Variants in RALGAPB observed in about 807,000 individuals in gnomAD.
RALGAPB encodes Ral GTPase activating protein non-catalytic subunit beta, also known as ral GTPase-activating protein subunit beta.
In RALGAPB, 25 loss-of-function variants were observed where a neutral mutation model predicts 161.1. The ratio of observed to expected loss-of-function variants is 0.16; its 90% CI spans 0.11 to 0.22. The LOEUF is 0.22. RALGAPB is among the 10% of genes least tolerant of loss of function. The pLI, the probability that RALGAPB is intolerant of heterozygous loss-of-function variation, is 1.00. For missense variants in RALGAPB, 1,391 were observed against 1,815.2 expected, an observed-to-expected ratio of 0.77 and a Z score of 4.25; for synonymous variants, 629 against 626.1, an observed-to-expected ratio of 1.00 and a Z score of -0.07.
rs2087365637 is a variant in RALGAPB, at chr20:38,551,287, G to C, written c.3162+64G>C. The C allele has an allele frequency of 6.5e-6, 10 of 1,536,724 alleles. No homozygotes were observed. The South Asian group carries it at 1.1e-4, about 18-fold the overall frequency. On this transcript the variant is annotated intron_variant, in intron 21 of 29. Coordinates refer to ENST00000262879, the MANE Select transcript of RALGAPB (RefSeq NM_020336.4). ...TAGAAACATTCTTACGACTTCCTTG[G>C]TCAAGACAATGCTTTTAGTGTTGTT...
chr20:38,550,992 AAG>A, intron 20 of RALGAPB, 77 bp from the exon 21 acceptor site: 5 of 1,482,004 alleles, frequency 3.4e-6, no homozygotes, highest in Non-Finnish European at 1.8e-6. Flanking sequence ...ACAGGCATCT[AAG>A]AGACCAGGGA....
chr20:38,496,561 T>C (rs1011976290), intron 3 of RALGAPB, among the ~76,000 whole-genome samples: 8 of 152,198 alleles, frequency 5.3e-5, no homozygotes, highest in Non-Finnish European at 1.0e-4. Flanking sequence ...TGGTCTACTT[T>C]GGAAAGTGAG....
At chr20:38,506,550 T>C (rs980788153) in intron 5 of RALGAPB, among the ~76,000 whole-genome samples, 6 of 152,208 alleles carry the variant, frequency 3.9e-5, no homozygotes, top group Non-Finnish European at 7.3e-5. Context: ...TGCCTTGGCC[T>C]CCCAAAGTTC....
rs537930631 is a variant in RALGAPB at position 38,522,294 on chromosome 20, C to T, written c.1619+596C>T. The stretch of plus-strand genomic sequence containing the variant: ...TTGGTTAGGGTCATCTTCTCCAAAT[C>T]TATGGCTTCAGCCATCTTTGTTAAT... On this transcript the variant is annotated intron_variant, in intron 10 of 29. Transcript: ENST00000262879. Among the ~76,000 whole-genome samples the T allele has an allele frequency of 2.0e-4, 30 of 152,354 alleles. No individual in the cohort carries two copies. The South Asian group carries it at 4.6e-3, about 23-fold the overall frequency.
chr20:38,553,968 T>C lies in RALGAPB; in HGVS notation c.3264T>C (p.Ser1088=). Residue 1088 remains serine (S), a synonymous_variant, in exon 22 of 30, where the codon AGT becomes AGC. Coordinates refer to ENST00000262879, the MANE Select transcript of RALGAPB (RefSeq NM_020336.4). ...QQSEEELQKR[S]FPDPVTDCKP... ...GTGAGGAGGAATTGCAGAAGAGAAG[T>C]TTTCCTGACCCAGTTACGGATTGCA... The C allele has an allele frequency of 6.2e-7, 1 of 1,613,524 alleles. No individual in the cohort carries two copies. The highest frequency in any genetic ancestry group is 8.5e-7 in the Non-Finnish European group (1 of 1,179,602).
At chr20:38,510,176 A>G (rs577496670) in intron 6 of RALGAPB, among the ~76,000 whole-genome samples, 2 of 151,724 alleles carry the variant, frequency 1.3e-5, no homozygotes, top group Admixed American at 1.3e-4. Flanking sequence ...AGACACACGC[A>G]TGCATGTAAT....
In RALGAPB at chr20:38,495,591, A is replaced by G. The variant is rs150437268; in HGVS notation, c.390-1762A>G. Among the ~76,000 whole-genome samples, 306 of 152,288 alleles carry G rather than the reference A, an allele frequency of 2.0e-3. 4 individuals are homozygous for G. Among genetic ancestry groups the G allele is most frequent in the African/African-American group, 6.8e-3 (283 of 41,568 alleles). Reference sequence around the variant, plus strand: ...ATAGTAGGCCAGATTTGTAAACTCTATTTACAATAAAAGATGGCAGGCCAG... The same window carrying G: ...ATAGTAGGCCAGATTTGTAAACTCTGTTTACAATAAAAGATGGCAGGCCAG... On this transcript the variant is annotated intron_variant, in intron 3 of 29. Coordinates refer to ENST00000262879, the MANE Select transcript of RALGAPB (RefSeq NM_020336.4).
At chr20:38,479,863 G>A (rs2084915948) in intron 1 of RALGAPB, among the ~76,000 whole-genome samples, 1 of 152,176 alleles carries the variant, frequency 6.6e-6, no homozygotes, top group South Asian at 2.1e-4. Flanking sequence ...CTATATGGTA[G>A]CCACATTGGA....
At chr20:38,562,733 T>A in intron 24 of RALGAPB, 36 bp downstream of exon 24, 1 of 1,559,200 alleles carries the variant, frequency 6.4e-7, no homozygotes, top group Non-Finnish European at 8.6e-7. Flanking sequence ...CAGTTGTTTC[T>A]TGTTTGTTAG....
intron 18 of RALGAPB, among the ~76,000 whole-genome samples, chr20:38,545,703 G>A (rs2087140049): frequency 6.6e-6 from 1 of 152,150 alleles, no homozygotes; most frequent in Non-Finnish European, 1.5e-5. Flanking sequence ...AGGAGAACTT[G>A]GCATTAAGTT....
chr20:38,524,543 T>A (rs2086400766), intron 10 of RALGAPB, among the ~76,000 whole-genome samples: 1 of 152,192 alleles, frequency 6.6e-6, no homozygotes, highest in South Asian at 2.1e-4. Context: ...TGTATATGAT[T>A]CAGAATTGTT....
At chr20:38,506,094 G>T (rs1407510293) in intron 5 of RALGAPB, among the ~76,000 whole-genome samples, 5 of 152,136 alleles carry the variant, frequency 3.3e-5, no homozygotes, top group African/African-American at 1.2e-4. Context: ...CAAATGAAGG[G>T]ATGTGTATGC....
rs559043474 is a variant in RALGAPB, at chr20:38,541,026, C to G, written c.2563-15C>G. The G allele has an allele frequency of 5.0e-6, 8 of 1,611,728 alleles. No homozygotes were observed. The South Asian group carries it at 8.8e-5, about 18-fold the overall frequency. On this transcript the variant is annotated splice_polypyrimidine_tract_variant and intron_variant, in intron 17 of 29. Coordinates refer to ENST00000262879, the MANE Select transcript of RALGAPB (RefSeq NM_020336.4). ...AGGTGTGTTCTAAAAATTGATCTGCCTTTCCTGCTTTTAGGACTGCCTTAA... is the reference window on the plus strand; with the variant it reads ...AGGTGTGTTCTAAAAATTGATCTGCGTTTCCTGCTTTTAGGACTGCCTTAA...
chr20:38,561,121 C>T lies in RALGAPB; in HGVS notation c.3532-1411C>T, dbSNP rs532208887. ...CGCGCGGATCACGAGGTCAGGAGAT[C>T]GAGACCATCCTGGCTAACATGGTAA... On this transcript the variant is annotated intron_variant, in intron 23 of 29. Transcript: ENST00000262879. 2.6e-5 allele frequency among the ~76,000 whole-genome samples: 4 copies of T among 152,202 alleles called. No homozygotes were observed. The South Asian group carries it at 8.3e-4, about 32-fold the overall frequency.
chr20:38,569,837 T>G, intron 26 of RALGAPB, 51 bp from the exon 27 acceptor site: 2 of 1,448,338 alleles, frequency 1.4e-6, no homozygotes, highest in East Asian at 4.6e-5. Context: ...TTAAGCCAGT[T>G]TTTTGTTGCT....
chr20:38,554,001 G>A lies in RALGAPB; in HGVS notation c.3297G>A (p.Pro1099=), dbSNP rs758985611. The part of the protein sequence containing the change: ...FPDPVTDCKP[P]PPAQEFQTAR... The stretch of plus-strand genomic sequence containing the variant: ...ACCCAGTTACGGATTGCAAGCCCCC[G>A]CCTCCTGCCCAGGAATTCCAAACAG... The change falls in exon 22 of 30, where the codon CCG becomes CCA. Residue 1099 remains proline (P), a synonymous_variant. Coordinates refer to ENST00000262879, the MANE Select transcript of RALGAPB (RefSeq NM_020336.4). 38 of 1,613,682 alleles carry A rather than the reference G, an allele frequency of 2.4e-5. No individual in the cohort carries two copies. Among genetic ancestry groups the A allele is most frequent in the African/African-American group, 4.0e-5 (3 of 74,834 alleles).
At chr20:38,527,546 T>G (rs2086510008) in intron 13 of RALGAPB, among the ~76,000 whole-genome samples, 1 of 152,202 alleles carries the variant, frequency 6.6e-6, no homozygotes, top group South Asian at 2.1e-4. Context: ...AGCTATATTC[T>G]TGTTCAGGCT....
At chr20:38,529,254 ATTTT>A (rs2086573473) in intron 13 of RALGAPB, among the ~76,000 whole-genome samples, 1 of 152,180 alleles carries the variant, frequency 6.6e-6, no homozygotes. Context: ...AGAAAAGAAT[ATTTT>A]ATTAAGAAAT....
chr20:38,526,332 TTCC>T (rs1360785468), intron 13 of RALGAPB, among the ~76,000 whole-genome samples: 1 of 151,998 alleles, frequency 6.6e-6, no homozygotes, highest in Non-Finnish European at 1.5e-5. Context: ...CCTCTCTTCT[TTCC>T]TCCTTTCTTC....
Sources: allele counts gnomAD v4.1 joint callset (sites outside exome capture counted in the v4.1 genomes callset), GRCh38; gene constraint gnomAD v4.1.1; transcripts MANE v1.5; gene names NCBI Gene and HGNC (gene_info 2026-07-23, HGNC 2026-07-21).